The following LRFN5 variants were observed in gnomAD, a reference collection of about 807,000 sequenced individuals.
The protein encoded by LRFN5 is leucine rich repeat and fibronectin type III domain containing 5.
A neutral mutation model predicts 45.6 loss-of-function variants in LRFN5; 24 were observed. The ratio of observed to expected loss-of-function variants is 0.53; its 90% CI spans 0.38 to 0.74. The LOEUF is 0.74. LRFN5 is among the 30% of genes least tolerant of loss of function. The pLI, the probability that LRFN5 is intolerant of heterozygous loss-of-function variation, is 0.00. For synonymous variants in LRFN5, 340 were observed against 313.8 expected, an observed-to-expected ratio of 1.08 and a Z score of -0.88; for missense variants, 776 against 861.5, an observed-to-expected ratio of 0.90 and a Z score of 1.24.
In LRFN5 at chr14:41,887,677, A is replaced by T; in HGVS notation, c.1052A>T (p.Asp351Val). 6.2e-7 allele frequency: 1 copy of T among 1,614,208 alleles called. No homozygotes were observed. The highest frequency in any genetic ancestry group is 8.5e-7 in the Non-Finnish European group (1 of 1,180,032). The change falls in exon 3 of 6, where the codon GAT (aspartate) becomes GTT (valine). Residue 351 changes from aspartate (D) to valine (V), a missense_variant. Asp to Val is a radical substitution (Grantham distance 152). Around this residue, in one of 2 missense-constraint regions of LRFN5, gnomAD observed 465 missense variants for 456.4 expected, o/e 1.02. Transcript: ENST00000298119. This position sits in a 1 kb window ranked among gnomAD's most constrained non-coding sequence, Gnocchi z 4.8. Reference sequence around the variant, plus strand: ...GACATTCTTATCACAACTGTAAAGGATACAGGTGCTTTTACCTGCATTGCT... The same window carrying T: ...GACATTCTTATCACAACTGTAAAGGTTACAGGTGCTTTTACCTGCATTGCT... ...TLDILITTVK[D>V]TGAFTCIASN...
At chr14:41,683,634 G>A (rs1881997901) in intron 1 of LRFN5, among the ~76,000 whole-genome samples, 2 of 151,804 alleles carry the variant, frequency 1.3e-5, no homozygotes, top group South Asian at 2.1e-4. Context: ...AAAATCAGTA[G>A]CATTTCTATA....
intron 2 of LRFN5, among the ~76,000 whole-genome samples, chr14:41,834,275 C>G (rs1888585939): frequency 6.6e-6 from 1 of 152,104 alleles, no homozygotes; most frequent in African/African-American, 2.4e-5. Context: ...GCAAAGTGTT[C>G]TGTTATCTTC....
chr14:41,721,794 T>G (rs1883724757), intron 1 of LRFN5, among the ~76,000 whole-genome samples: 1 of 152,144 alleles, frequency 6.6e-6, no homozygotes, highest in Middle Eastern at 3.2e-3. Flanking sequence ...AAGCTACCTT[T>G]TAGATTTTTT....
At chr14:41,884,546 C>G (rs1890497577) in intron 2 of LRFN5, among the ~76,000 whole-genome samples, 1 of 152,160 alleles carries the variant, frequency 6.6e-6, no homozygotes, top group Non-Finnish European at 1.5e-5. Context: ...GGATAACACA[C>G]AGGGAAGAGT....
chr14:41,816,990 T>G (rs1265216007), intron 2 of LRFN5, among the ~76,000 whole-genome samples: 1 of 146,704 alleles, frequency 6.8e-6, no homozygotes, highest in African/African-American at 2.5e-5. Context: ...AGCTTTTTAA[T>G]GTGGGAAGTT....
chr14:41,882,669 T>C (rs1890422693), intron 2 of LRFN5, among the ~76,000 whole-genome samples: 1 of 152,124 alleles, frequency 6.6e-6, no homozygotes, highest in African/African-American at 2.4e-5. Context: ...ATTTTCTCAC[T>C]GCTGCTATTG....
At chr14:41,778,775 G>GT (rs1000983088) in intron 2 of LRFN5, among the ~76,000 whole-genome samples, 6 of 151,620 alleles carry the variant, frequency 4.0e-5, no homozygotes, top group African/African-American at 7.2e-5. Flanking sequence ...CCATTTCTTT[G>GT]TTTTTTTAGA....
chr14:41,650,100 T>G (rs1178585492), intron 1 of LRFN5, among the ~76,000 whole-genome samples: 1 of 152,038 alleles, frequency 6.6e-6, no homozygotes, highest in African/African-American at 2.4e-5. Context: ...TGGTAAAAGA[T>G]ATTTGCAACA....
chr14:41,873,367 G>C (rs971278351), intron 2 of LRFN5, among the ~76,000 whole-genome samples: 1 of 151,436 alleles, frequency 6.6e-6, no homozygotes, highest in Non-Finnish European at 1.5e-5. Flanking sequence ...TTAATGCTCC[G>C]TTTTCCTAAG....
intron 2 of LRFN5, among the ~76,000 whole-genome samples, chr14:41,881,947 T>A (rs1295880981): frequency 6.6e-6 from 1 of 152,228 alleles, no homozygotes; most frequent in African/African-American, 2.4e-5. Context: ...TTGTAATATC[T>A]GGGGTGTCTC....
intron 1 of LRFN5, among the ~76,000 whole-genome samples, chr14:41,619,986 A>G (rs1204031873): frequency 2.6e-5 from 4 of 152,114 alleles, no homozygotes; most frequent in Non-Finnish European, 5.9e-5. Context: ...ACAATTGTAC[A>G]TAAAGAATAA....
At chr14:41,662,977 A>G (rs1057349227) in intron 1 of LRFN5, among the ~76,000 whole-genome samples, 3 of 152,064 alleles carry the variant, frequency 2.0e-5, no homozygotes, top group African/African-American at 7.2e-5. Context: ...GTACCTTGAT[A>G]AGACATGTGA....
intron 1 of LRFN5, among the ~76,000 whole-genome samples, chr14:41,682,477 C>T (rs955240228): frequency 1.4e-4 from 21 of 151,588 alleles, no homozygotes; most frequent in African/African-American, 5.1e-4. Flanking sequence ...TAATAAAGAT[C>T]AGAGCAGAAA....
chr14:41,803,887 A>G (rs1594423709), intron 2 of LRFN5, among the ~76,000 whole-genome samples: 2 of 152,106 alleles, frequency 1.3e-5, no homozygotes, highest in South Asian at 2.1e-4. Context: ...GTTTTGAGAC[A>G]GAGTCTCACT....
chr14:41,742,909 G>A (rs60296848), intron 1 of LRFN5: 25,776 of 155,300 alleles, frequency 0.17, 2,246 homozygotes, highest in Admixed American at 0.19. Flanking sequence ...GGCTACTCTA[G>A]TATCATCCCT....
chr14:41,834,973 A>G (rs1888611372), intron 2 of LRFN5, among the ~76,000 whole-genome samples: 1 of 151,758 alleles, frequency 6.6e-6, no homozygotes, highest in African/African-American at 2.4e-5. Flanking sequence ...TGGGACTGAC[A>G]TTTGAATGTT....
chr14:41,774,967 C>A (rs568210681), intron 2 of LRFN5, among the ~76,000 whole-genome samples: 48 of 151,882 alleles, frequency 3.2e-4, no homozygotes, highest in Admixed American at 1.1e-3. Flanking sequence ...CCTTTGGCCT[C>A]TTAGGAATAA....
At chr14:41,836,935 C>T (rs1242600449) in intron 2 of LRFN5, among the ~76,000 whole-genome samples, 2 of 151,978 alleles carry the variant, frequency 1.3e-5, no homozygotes, top group Non-Finnish European at 2.9e-5. Flanking sequence ...AGTGTGTAGT[C>T]CCCTGTTTGA....
intron 2 of LRFN5, among the ~76,000 whole-genome samples, chr14:41,793,197 A>C (rs900188299): frequency 1.3e-5 from 2 of 151,998 alleles, no homozygotes; most frequent in Non-Finnish European, 2.9e-5. Context: ...ATAAATGTCC[A>C]TGAAATTTTC....
Sources: allele counts gnomAD v4.1 joint callset (sites outside exome capture counted in the v4.1 genomes callset), GRCh38; gene constraint gnomAD v4.1.1; regional missense constraint gnomAD v4.1.1; non-coding constraint Gnocchi (gnomAD v3.1); transcripts MANE v1.5; gene names NCBI Gene and HGNC (gene_info 2026-07-23, HGNC 2026-07-21).